TMEM40: variants seen among roughly 807,000 people sequenced by gnomAD.
The protein encoded by TMEM40 is transmembrane protein 40.
A neutral mutation model predicts 40.8 loss-of-function variants in TMEM40; 34 were observed. The observed-to-expected ratio is 0.83, with a 90% CI of 0.63 to 1.11. TMEM40 has a LOEUF of 1.11. TMEM40 is among the 50% of genes least tolerant of loss of function. The pLI is 0.00. For synonymous variants in TMEM40, 106 were observed against 107.0 expected (o/e 0.99, Z 0.06); for missense variants, 296 against 280.2 (o/e 1.06, Z -0.40).
chr3:12,764,794 C>CTAAAGTTAAATTTAAAGTTAAAATTAACT (rs2061586694), intron 1 of TMEM40, among the ~76,000 whole-genome samples: 1 of 152,088 alleles, frequency 6.6e-6, no homozygotes, highest in African/African-American at 2.4e-5. Context: ...AAGGCAAGGA[C>CTAAAGTTAAATTTAAAGTTAAAATTAACT]TAAAGTTAAA....
intron 5 of TMEM40, chr3:12,741,363 C>T (rs1279778753): frequency 1.3e-5 from 2 of 152,222 alleles, no homozygotes; most frequent in Non-Finnish European, 2.9e-5. Flanking sequence ...CATCAGGCCC[C>T]GACTTCTGTA....
At chr3:12,734,887 C>T in intron 11 of TMEM40, 94 bp from the exon 12 acceptor site, 1 of 1,452,822 alleles carries the variant, frequency 6.9e-7, no homozygotes, top group South Asian at 1.2e-5. Flanking sequence ...CCCCTCACAG[C>T]TGGCATGATG....
chr3:12,742,274 G>C (rs762326782), intron 5 of TMEM40, among the ~76,000 whole-genome samples, 180 bp downstream of exon 5: 3 of 151,984 alleles, frequency 2.0e-5, no homozygotes, highest in Non-Finnish European at 4.4e-5. Flanking sequence ...ATTTCCCCAA[G>C]ACAATCTCAT....
intron 5 of TMEM40, among the ~76,000 whole-genome samples, chr3:12,741,767 C>CAAAA (rs59665318): frequency 1.6e-5 from 2 of 125,610 alleles, no homozygotes; most frequent in South Asian, 2.9e-4. Flanking sequence ...GTTTTTGTAA[C>CAAAA]AAAAAAAAAA....
chr3:12,738,238 G>A (rs576581351), intron 6 of TMEM40, 70 bp from the exon 7 acceptor site: 3 of 1,562,646 alleles, frequency 1.9e-6, no homozygotes, highest in Non-Finnish European at 2.6e-6. Flanking sequence ...TCCACCCTGG[G>A]GAAGGCTATA....
At position 12,752,341 on chromosome 3, in the gene TMEM40, G is replaced by A. The variant is rs2061484267; in HGVS notation, c.-8-2501C>T. Among the ~76,000 whole-genome samples, 3 of 152,130 alleles carry A rather than the reference G, an allele frequency of 2.0e-5. No individual in the cohort carries two copies. In the South Asian group the frequency reaches 6.2e-4, roughly 31 times the overall value. On this transcript the variant is annotated intron_variant, in intron 1 of 11. Coordinates refer to ENST00000314124, the MANE Select transcript of TMEM40 (RefSeq NM_018306.4). ...TCACCCATACCCTGTACAGAGCCGG[G>A]AACAAAGGAAAAATGATGATAACAA...
At chr3:12,745,091 C>T (rs2061416627) in intron 3 of TMEM40, among the ~76,000 whole-genome samples, 1 of 152,000 alleles carries the variant, frequency 6.6e-6, no homozygotes, top group Non-Finnish European at 1.5e-5. Flanking sequence ...CGGAATTTTG[C>T]TCTTGTTGCC....
chr3:12,739,145 C>A (rs1217392215), intron 5 of TMEM40: 1 of 152,772 alleles, frequency 6.5e-6, no homozygotes, highest in Non-Finnish European at 1.5e-5. Flanking sequence ...GAGCGATACT[C>A]CATCTCAAAC....
chr3:12,735,478 T>G (rs1447164255), intron 11 of TMEM40, 77 bp downstream of exon 11: 3 of 1,458,278 alleles, frequency 2.1e-6, no homozygotes, highest in African/African-American at 1.4e-5. Flanking sequence ...TGTTCTTTCC[T>G]GTATGCTAAG....
rs1054690212 is a variant in TMEM40, at chr3:12,734,508, G to C, written c.*266C>G. On this transcript the variant is annotated 3_prime_UTR_variant, in exon 12 of 12. Coordinates refer to ENST00000314124, the MANE Select transcript of TMEM40 (RefSeq NM_018306.4). Reference sequence around the variant, plus strand: ...GTGACCTCCCAGAATCTTCCTGCTGGTCCAGGTACTGTGAAGCCTCAGGCC... The same window carrying C: ...GTGACCTCCCAGAATCTTCCTGCTGCTCCAGGTACTGTGAAGCCTCAGGCC... 1.2e-4 allele frequency: 61 copies of C among 493,806 alleles called. No individual in the cohort carries two copies. The highest frequency in any genetic ancestry group is 2.3e-4 in the Admixed American group (7 of 29,900). 30.6% of individuals were successfully genotyped at this position (493,806 alleles called of 1,614,324 possible).
intron 9 of TMEM40, 27 bp downstream of exon 9, chr3:12,736,737 T>C (rs1339103202): frequency 3.1e-6 from 5 of 1,613,830 alleles, no homozygotes; most frequent in African/African-American, 1.3e-5. Context: ...ATCCCCCTTG[T>C]GCATTCCCCA....
intron 8 of TMEM40, 56 bp downstream of exon 8, chr3:12,737,651 C>T: frequency 6.4e-7 from 1 of 1,558,398 alleles, no homozygotes; most frequent in African/African-American, 1.4e-5. Context: ...CTGCATTTCA[C>T]CCCTAGAAAT....
At chr3:12,754,109 G>A (rs536165701) in intron 1 of TMEM40, among the ~76,000 whole-genome samples, 5 of 152,288 alleles carry the variant, frequency 3.3e-5, no homozygotes, top group Admixed American at 1.3e-4. Context: ...TCAGGAGATC[G>A]AGACCATCCT....
chr3:12,752,516 C>A (rs772519876), intron 1 of TMEM40, among the ~76,000 whole-genome samples: 1 of 151,926 alleles, frequency 6.6e-6, no homozygotes, highest in African/African-American at 2.4e-5. Context: ...TGCCCAGGAC[C>A]GGCCGGGCGC....
chr3:12,757,994 C>T (rs1167096692), intron 1 of TMEM40, among the ~76,000 whole-genome samples: 4 of 151,448 alleles, frequency 2.6e-5, no homozygotes, highest in Admixed American at 6.6e-5. Context: ...TGAGCCATGG[C>T]GCCTGGCCCT....
chr3:12,736,494 C>T, intron 10 of TMEM40, 84 bp downstream of exon 10: 5 of 1,493,918 alleles, frequency 3.3e-6, no homozygotes, highest in Non-Finnish European at 3.6e-6. Flanking sequence ...CTGGTCCATA[C>T]TTGAATGAGT....
intron 5 of TMEM40, among the ~76,000 whole-genome samples, chr3:12,742,177 C>A (rs1008651593): frequency 1.3e-5 from 2 of 152,146 alleles, no homozygotes; most frequent in Non-Finnish European, 1.5e-5. Flanking sequence ...TTGCAGTGAG[C>A]CAAGATCACA....
intron 2 of TMEM40, 127 bp downstream of exon 2, chr3:12,749,633 C>G (rs1463573524): frequency 2.6e-6 from 2 of 760,570 alleles, no homozygotes; most frequent in African/African-American, 3.5e-5. Flanking sequence ...ACCACTACTT[C>G]CCCATTTCAG....
intron 1 of TMEM40, among the ~76,000 whole-genome samples, chr3:12,768,174 C>T (rs758482889): frequency 3.3e-5 from 5 of 152,022 alleles, no homozygotes; most frequent in Admixed American, 6.6e-5. Context: ...CTTAAGGCGA[C>T]GCGTCTGGAG....
Sources: allele counts gnomAD v4.1 joint callset (sites outside exome capture counted in the v4.1 genomes callset), GRCh38; gene constraint gnomAD v4.1.1; transcripts MANE v1.5; gene names NCBI Gene and HGNC (gene_info 2026-07-23, HGNC 2026-07-21).